POU2F3: variants seen among roughly 807,000 people sequenced by gnomAD.
POU2F3 encodes the protein POU domain, class 2, transcription factor 3.
In POU2F3, 23 loss-of-function variants were observed where a neutral mutation model predicts 59.2. The observed-to-expected ratio is 0.39, with a 90% confidence interval of 0.28 to 0.55. The LOEUF (loss-of-function observed/expected upper bound fraction) is 0.55. Among genes scored for constraint, POU2F3 ranks in the 20% least tolerant of loss-of-function variants. POU2F3 has a pLI of 0.66. For synonymous variants in POU2F3, 190 were observed against 214.6 expected (o/e 0.89, Z 1.00); for missense variants, 473 against 544.5 (o/e 0.87, Z 1.31).
chr11:120,240,643 G>C (rs987353834), intron 1 of POU2F3, among the ~76,000 whole-genome samples: 2 of 152,274 alleles, frequency 1.3e-5, no homozygotes, highest in East Asian at 3.9e-4. Context: ...AGTGGCAGTT[G>C]TATGGGACGT....
At chr11:120,266,534 C>T (rs1939832776) in intron 2 of POU2F3, among the ~76,000 whole-genome samples, 1 of 152,178 alleles carries the variant, frequency 6.6e-6, no homozygotes, top group East Asian at 1.9e-4. Flanking sequence ...TGCCAACTCT[C>T]CATCACTACT....
At chr11:120,242,452 T>C (rs1938704868) in intron 1 of POU2F3, among the ~76,000 whole-genome samples, 1 of 152,194 alleles carries the variant, frequency 6.6e-6, no homozygotes, top group Non-Finnish European at 1.5e-5. Flanking sequence ...CTTTTGGAAA[T>C]GTGGTCTCTT....
At position 120,307,463 on chromosome 11, in the gene POU2F3, C is replaced by T. The variant is rs777512244; in HGVS notation, c.770-16C>T. 1 of 1,613,416 alleles carries T rather than the reference C, an allele frequency of 6.2e-7. No individual in the cohort carries two copies. The highest frequency in any genetic ancestry group is 1.1e-5 in the South Asian group (1 of 91,006). On this transcript the variant is annotated splice_polypyrimidine_tract_variant and intron_variant, in intron 8 of 12. Transcript: ENST00000543440. ...CCCCTTCTCTGAGCTTCCTCTGGTC[C>T]TTCGTGTCCCTGCAGAGTCCTCTCC...
At position 120,302,282 on chromosome 11, in the gene POU2F3, C is replaced by G; in HGVS notation, c.362-4C>G. The G allele has an allele frequency of 6.2e-7, 1 of 1,601,804 alleles. No homozygotes were observed. Among genetic ancestry groups the G allele is most frequent in the South Asian group, 1.1e-5 (1 of 90,636 alleles). On this transcript the variant is annotated splice_polypyrimidine_tract_variant and splice_region_variant and intron_variant, in intron 5 of 12. Coordinates refer to ENST00000543440, the MANE Select transcript of POU2F3 (RefSeq NM_014352.4). ...TGTTCCTTTGTCCCTCCCCTTTCAC[C>G]CAGGTCTGCAGCCAAATCTCCTCCC...
chr11:120,266,589 C>A (rs1286401500), intron 2 of POU2F3, among the ~76,000 whole-genome samples: 3 of 152,180 alleles, frequency 2.0e-5, no homozygotes, highest in Non-Finnish European at 4.4e-5. Flanking sequence ...AGCGTGCAAG[C>A]CTGTTCTTGC....
intron 10 of POU2F3, among the ~76,000 whole-genome samples, chr11:120,310,333 G>A (rs1035478841): frequency 5.3e-5 from 8 of 152,182 alleles, no homozygotes; most frequent in South Asian, 2.1e-4. Context: ...TGAGCAATGC[G>A]TTGGAAAGCA....
upstream of POU2F3, among the ~76,000 whole-genome samples, chr11:120,239,184 C>A (rs563799339): frequency 3.3e-5 from 5 of 152,322 alleles, no homozygotes; most frequent in African/African-American, 1.2e-4. Flanking sequence ...CATGAGGAGT[C>A]CTGTCTGGGA....
chr11:120,306,532 C>T (rs1379639622), intron 8 of POU2F3, among the ~76,000 whole-genome samples: 1 of 152,174 alleles, frequency 6.6e-6, no homozygotes, highest in Non-Finnish European at 1.5e-5. Flanking sequence ...TTGCCAGTAG[C>T]ATCCACCCCC....
In POU2F3 at chr11:120,318,533, T is replaced by C; in HGVS notation, c.*141T>C. 1 of 858,564 alleles carries C rather than the reference T, an allele frequency of 1.2e-6. No individual in the cohort carries two copies. The highest frequency in any genetic ancestry group is 2.5e-5 in the East Asian group (1 of 40,306). The allele number at this position is 858,564 out of a possible 1,614,324, so 53.2% of individuals were successfully genotyped here. On this transcript the variant is annotated 3_prime_UTR_variant, in exon 13 of 13. Coordinates refer to ENST00000543440, the MANE Select transcript of POU2F3 (RefSeq NM_014352.4). ...TCAATGAACCCAGACTCTTGTCTTC[T>C]TCAAGAGCAAGGGCCTCCGGAGATC...
chr11:120,239,824 C>A (rs1206939487), upstream of POU2F3, among the ~76,000 whole-genome samples: 1 of 152,218 alleles, frequency 6.6e-6, no homozygotes, highest in African/African-American at 2.4e-5. Context: ...CCTTGCAGCG[C>A]TTACACTTCG....
intron 2 of POU2F3, among the ~76,000 whole-genome samples, chr11:120,249,542 T>C (rs1334287708): frequency 1.3e-5 from 2 of 152,188 alleles, no homozygotes; most frequent in Non-Finnish European, 2.9e-5. Flanking sequence ...GAACAATTTT[T>C]TTCTGTTCTC....
In POU2F3 at chr11:120,305,010, C is replaced by T; in HGVS notation, c.445-20C>T. ...TTTATTGATCTTCGTGGTGGATCTG[C>T]TTGGCGTGTTTCCTATCAGGCATTT... On this transcript the variant is annotated intron_variant, in intron 6 of 12. Coordinates refer to ENST00000543440, the MANE Select transcript of POU2F3 (RefSeq NM_014352.4). 1 of 1,488,624 alleles carries T rather than the reference C, an allele frequency of 6.7e-7. No individual in the cohort carries two copies. Among genetic ancestry groups the T allele is most frequent in the East Asian group, 2.3e-5 (1 of 44,220 alleles). The allele number at this position is 1,488,624 out of a possible 1,614,324, so 92.2% of individuals were successfully genotyped here.
Position 120,315,353 on chromosome 11 carries a change from T to C in POU2F3, c.1069-8T>C. The C allele has an allele frequency of 6.2e-7, 1 of 1,610,594 alleles. No homozygotes were observed. Among genetic ancestry groups the C allele is most frequent in the Admixed American group, 1.7e-5 (1 of 60,016 alleles). On this transcript the variant is annotated splice_polypyrimidine_tract_variant and splice_region_variant and intron_variant, in intron 10 of 12. Coordinates refer to ENST00000543440, the MANE Select transcript of POU2F3 (RefSeq NM_014352.4). The stretch of plus-strand genomic sequence containing the variant: ...AATGGACATTTACAAGCTTCTGTTG[T>C]TTTTCAGGTATCTCCCTCAGGGTCT...
intron 3 of POU2F3, among the ~76,000 whole-genome samples, chr11:120,274,455 A>T (rs997513850): frequency 6.6e-6 from 1 of 152,238 alleles, no homozygotes; most frequent in African/African-American, 2.4e-5. Flanking sequence ...GATCAGGAAG[A>T]TTTTGGCGAC....
At chr11:120,276,623 C>T (rs1940337436) in intron 3 of POU2F3, among the ~76,000 whole-genome samples, 1 of 152,140 alleles carries the variant, frequency 6.6e-6, no homozygotes, top group African/African-American at 2.4e-5. Flanking sequence ...GCCAACAAAC[C>T]ACATTTTGCT....
intron 3 of POU2F3, among the ~76,000 whole-genome samples, chr11:120,291,786 A>G (rs1047200135): frequency 6.6e-6 from 1 of 151,052 alleles, no homozygotes; most frequent in Non-Finnish European, 1.5e-5. Flanking sequence ...CTCTCTCTTT[A>G]TACATTATAA....
chr11:120,288,552 C>T (rs761405100), intron 3 of POU2F3, among the ~76,000 whole-genome samples: 2 of 152,080 alleles, frequency 1.3e-5, no homozygotes, highest in African/African-American at 4.8e-5. Flanking sequence ...AATCTCTCAC[C>T]GTTTATGACC....
At position 120,299,742 on chromosome 11, in the gene POU2F3, G is replaced by A; in HGVS notation, c.361+16G>A. ...GGGCAGCAAGGTAAGAACCCTGGGG[G>A]TTTCCACCTAGACCAAGTCCAGTCA... is the stretch of plus-strand genomic sequence containing the variant. On this transcript the variant is annotated intron_variant, in intron 5 of 12. Transcript: ENST00000543440. The A allele has an allele frequency of 6.2e-7, 1 of 1,601,288 alleles. No individual in the cohort carries two copies. Among genetic ancestry groups the A allele is most frequent in the Non-Finnish European group, 8.5e-7 (1 of 1,174,082 alleles).
Position 120,305,018 on chromosome 11 carries a change from G to A in POU2F3, c.445-12G>A, listed in dbSNP as rs1315428796. 1.9e-6 allele frequency: 3 copies of A among 1,582,278 alleles called. No individual in the cohort carries two copies. Among genetic ancestry groups the A allele is most frequent in the Non-Finnish European group, 1.7e-6 (2 of 1,161,244 alleles). On this transcript the variant is annotated splice_polypyrimidine_tract_variant and intron_variant, in intron 6 of 12. Transcript: ENST00000543440. The stretch of plus-strand genomic sequence containing the variant: ...TCTTCGTGGTGGATCTGCTTGGCGT[G>A]TTTCCTATCAGGCATTTGGGCACCC...
Sources: gnomAD v4.1 joint callset for allele counts (sites outside exome capture counted in the v4.1 genomes callset) on GRCh38, gnomAD v4.1.1 for gene constraint, MANE v1.5 for transcripts, NCBI Gene and HGNC (gene_info 2026-07-23, HGNC 2026-07-21) for gene names.